The following RASA3 variants were observed in gnomAD, a reference collection of about 807,000 sequenced individuals.
RASA3 encodes the protein RAS p21 protein activator 3, also known as ras GTPase-activating protein 3.
A neutral mutation model predicts 110.0 loss-of-function variants in RASA3; 73 were observed. That is an observed-to-expected ratio of 0.66 (90% CI 0.55 to 0.81). The LOEUF (loss-of-function observed/expected upper bound fraction) is 0.81. Ranked by LOEUF, RASA3 falls within the 30% of genes least tolerant of loss-of-function variation. The probability of loss-of-function intolerance (pLI) is 0.00; values close to 1 mark genes in which losing one functional copy is unlikely to be tolerated. For synonymous variants in RASA3, 500 were observed against 451.4 expected, an observed-to-expected ratio of 1.11 and a Z score of -1.37; for missense variants, 976 against 1,113.2, an observed-to-expected ratio of 0.88 and a Z score of 1.75.
chr13:114,122,748 G>A (rs1277261813), intron 1 of RASA3, among the ~76,000 whole-genome samples: 2 of 151,282 alleles, frequency 1.3e-5, no homozygotes, highest in South Asian at 4.1e-4. Flanking sequence ...CCGGCCGGTC[G>A]GCCCCGAGTG....
Position 113,978,574 on chromosome 13 carries a change from C to A in RASA3, c.*773G>T, listed in dbSNP as rs1192586019. ...GGCAAATGTTAATTCTGATTTTAAA[C>A]CCCATTCAACAGCAAAACGATGTGG... On this transcript the variant is annotated 3_prime_UTR_variant, in exon 24 of 24. Coordinates refer to ENST00000334062, the MANE Select transcript of RASA3 (RefSeq NM_007368.4). 4 of 152,220 alleles carry A rather than the reference C, an allele frequency of 2.6e-5. No individual in the cohort carries two copies. The highest frequency in any genetic ancestry group is 5.9e-5 in the Non-Finnish European group (4 of 68,044). The allele number at this position is 152,220 out of a possible 1,614,324, so 9.4% of individuals were successfully genotyped here.
intron 1 of RASA3, among the ~76,000 whole-genome samples, chr13:114,091,567 G>C (rs1285692606): frequency 6.6e-6 from 1 of 150,894 alleles, no homozygotes; most frequent in Non-Finnish European, 1.5e-5. Flanking sequence ...AGTCCCACCT[G>C]TCATGCTGAA....
At position 114,115,487 on chromosome 13, in the gene RASA3, A is replaced by C. The variant is rs983897670; in HGVS notation, c.55+16948T>G. Among the ~76,000 whole-genome samples, 1 of 152,184 alleles carries C rather than the reference A, an allele frequency of 6.6e-6. No individual in the cohort carries two copies. Among genetic ancestry groups the C allele is most frequent in the Non-Finnish European group, 1.5e-5 (1 of 68,020 alleles). On this transcript the variant is annotated intron_variant, in intron 1 of 23. Coordinates refer to ENST00000334062, the MANE Select transcript of RASA3 (RefSeq NM_007368.4). This position sits in a 1 kb window ranked among gnomAD's most constrained non-coding sequence, Gnocchi z 5.0. The stretch of plus-strand genomic sequence containing the variant: ...AACTTCCCAGTTTAGAAAATGGTTA[A>C]CTGATTCATTAATACTCACTTCCTG...
chr13:114,129,605 CTT>C (rs1457227752), intron 1 of RASA3, among the ~76,000 whole-genome samples: 1 of 152,176 alleles, frequency 6.6e-6, no homozygotes, highest in Non-Finnish European at 1.5e-5. Flanking sequence ...AATGTGCTGG[CTT>C]TTTTTCTTAG....
intron 1 of RASA3, chr13:114,078,107 G>A (rs2079723417): frequency 1.4e-6 from 1 of 713,536 alleles, no homozygotes; most frequent in Non-Finnish European, 1.7e-6. Flanking sequence ...GAGGGCTGGG[G>A]CTGCTGCAGC....
chr13:114,024,477 AC>A, intron 7 of RASA3, 122 bp from the exon 8 acceptor site: 1 of 843,734 alleles, frequency 1.2e-6, no homozygotes, highest in Non-Finnish European at 2.0e-6. Flanking sequence ...AAGGGCCACA[AC>A]CAGGAAGGCG....
chr13:114,075,518 C>G (rs2079656347), intron 1 of RASA3, among the ~76,000 whole-genome samples: 1 of 118,358 alleles, frequency 8.4e-6, no homozygotes. Context: ...GTCGGCGCCG[C>G]GTATCTCTGG....
At chr13:114,069,993 G>C (rs1594419366) in intron 2 of RASA3, among the ~76,000 whole-genome samples, 1 of 58,174 alleles carries the variant, frequency 1.7e-5, no homozygotes, top group Non-Finnish European at 3.5e-5. Flanking sequence ...CCGGGAAACT[G>C]GGGGGCCGGG....
intron 1 of RASA3, among the ~76,000 whole-genome samples, chr13:114,098,952 C>T (rs1473752093): frequency 6.6e-6 from 1 of 151,478 alleles, no homozygotes; most frequent in African/African-American, 2.4e-5. Flanking sequence ...GCAGTCGGGG[C>T]CCGGCCACCC....
In RASA3 at chr13:114,048,314, CA is replaced by C. The variant is rs566493305; in HGVS notation, c.277+3737del. Among the ~76,000 whole-genome samples, 237 of 114,372 alleles carry C rather than the reference CA, an allele frequency of 2.1e-3. No individual in the cohort carries two copies. The highest frequency in any genetic ancestry group is 2.2e-3 in the African/African-American group (69 of 30,714). 75.0% of individuals were successfully genotyped at this position (114,372 alleles called of 152,430 possible). The stretch of plus-strand genomic sequence containing the variant: ...TGGGCGACAGAAAGAGACTCCGTCT[CA>C]AAAAAAAAAAAAAAGAAGAAGAAAA... On this transcript the variant is annotated intron_variant, in intron 3 of 23. Coordinates refer to ENST00000334062, the MANE Select transcript of RASA3 (RefSeq NM_007368.4). This position sits in a 1 kb window ranked among gnomAD's most constrained non-coding sequence, Gnocchi z 4.3.
intron 15 of RASA3, 50 bp downstream of exon 15, chr13:114,013,092 G>C (rs745693009): frequency 3.3e-6 from 5 of 1,515,636 alleles, no homozygotes; most frequent in Non-Finnish European, 4.5e-6. Context: ...AACCCAGGCC[G>C]GCGTCGCAGG....
chr13:114,077,795 G>C, intron 1 of RASA3: 1 of 979,150 alleles, frequency 1.0e-6, no homozygotes, highest in Non-Finnish European at 1.2e-6. Context: ...CGATGGCCCC[G>C]TCTTTACCTC....
intron 4 of RASA3, among the ~76,000 whole-genome samples, chr13:114,037,937 C>T (rs372980092): frequency 2.0e-4 from 31 of 152,144 alleles, no homozygotes; most frequent in African/African-American, 7.0e-4. Context: ...GAAGGGAGCA[C>T]GGCCTTCCGT....
In RASA3 at chr13:114,048,451, GAAGGTGGAGGCCT is replaced by G. The variant is rs537500748; in HGVS notation, c.277+3588_277+3600del. Among the ~76,000 whole-genome samples, 919 of 152,274 alleles carry G rather than the reference GAAGGTGGAGGCCT, an allele frequency of 6.0e-3. 6 individuals carry two copies. The highest frequency in any genetic ancestry group is 0.021 in the African/African-American group (863 of 41,566). ...GTGCTACCAGAGCCGGGGCCCAGAG[GAAGGTGGAGGCCT>G]AGCGGGAAAAGGAGGGAGGCGCCAG... On this transcript the variant is annotated intron_variant, in intron 3 of 23. Transcript: ENST00000334062. This position sits in a 1 kb window ranked among gnomAD's most constrained non-coding sequence, Gnocchi z 4.3.
intron 2 of RASA3, among the ~76,000 whole-genome samples, chr13:114,067,137 C>T (rs2079469301): frequency 6.8e-6 from 1 of 147,678 alleles, no homozygotes; most frequent in African/African-American, 2.5e-5. Flanking sequence ...GACGGGCCCC[C>T]CACCTGGGGC....
intron 7 of RASA3, among the ~76,000 whole-genome samples, chr13:114,026,169 C>T (rs1282518570): frequency 6.6e-6 from 1 of 152,228 alleles, no homozygotes; most frequent in African/African-American, 2.4e-5. Context: ...GAGAACACTG[C>T]AAGCGTGATG....
At chr13:114,089,279 AGGGGAGACGAGC>A (rs1189205352) in intron 1 of RASA3, among the ~76,000 whole-genome samples, 3 of 73,000 alleles carry the variant, frequency 4.1e-5, no homozygotes, top group Non-Finnish European at 7.8e-5. Context: ...AGGGGAGACG[AGGGGAGACGAGC>A]GGGGAGGAGG....
At position 114,118,708 on chromosome 13, in the gene RASA3, G is replaced by A. The variant is rs529611508; in HGVS notation, c.55+13727C>T. ...AAGCAAGTGGCAGCTTTTGAGCTCC[G>A]CACACTCCGTGTGACCATCCACAAA... is the stretch of plus-strand genomic sequence containing the variant. On this transcript the variant is annotated intron_variant, in intron 1 of 23. Coordinates refer to ENST00000334062, the MANE Select transcript of RASA3 (RefSeq NM_007368.4). Among the ~76,000 whole-genome samples the A allele has an allele frequency of 5.3e-5, 8 of 152,362 alleles. No individual in the cohort carries two copies. The South Asian group carries it at 1.4e-3, about 28-fold the overall frequency.
At position 114,132,447 on chromosome 13, in the gene RASA3, T is replaced by C. The variant is rs1640227796; in HGVS notation, c.43A>G (p.Lys15Glu). 1 of 1,528,464 alleles carries C rather than the reference T, an allele frequency of 6.5e-7. No individual in the cohort carries two copies. Among genetic ancestry groups the C allele is most frequent in the East Asian group, 2.7e-5 (1 of 36,878 alleles). The allele number at this position is 1,528,464 out of a possible 1,614,324, so 94.7% of individuals were successfully genotyped here. Residue 15 changes from lysine (K) to glutamate (E), a missense_variant, in exon 1 of 24, where the codon AAG (lysine) becomes GAG (glutamate). Physicochemically the swap from Lys to Glu is moderately conservative, Grantham distance 56. Transcript: ENST00000334062. The part of the protein sequence containing the change: ...DEGLRVFQSV[K>E]IKIGEAKNLP... ...GGCGGACACTCACCGATCTTGATCT[T>C]CACGCTCTGGAAGACCCGGAGCCCC...
Sources: gnomAD v4.1 joint callset for allele counts (sites outside exome capture counted in the v4.1 genomes callset) on GRCh38, gnomAD v4.1.1 for gene constraint, Gnocchi (gnomAD v3.1) non-coding constraint, MANE v1.5 for transcripts, NCBI Gene and HGNC (gene_info 2026-07-23, HGNC 2026-07-21) for gene names.